The following IL1RAPL1 variants were observed in gnomAD, a reference collection of about 807,000 sequenced individuals.
IL1RAPL1 encodes the protein interleukin-1 receptor accessory protein-like 1.
In IL1RAPL1, 3 loss-of-function variants were observed where a neutral mutation model predicts 48.4. The ratio of observed to expected loss-of-function variants is 0.06; its 90% CI spans 0.03 to 0.16. The LOEUF (loss-of-function observed/expected upper bound fraction) is 0.16, where lower values mean the gene tolerates loss of function less well. Ranked by LOEUF, IL1RAPL1 falls within the 10% of genes least tolerant of loss-of-function variation. The pLI is 1.00. For synonymous variants in IL1RAPL1, 185 were observed against 187.7 expected (o/e 0.99, Z 0.12); for missense variants, 349 against 530.6 (o/e 0.66, Z 3.36).
chrX:28,623,567 T>C (rs936769545), intron 1 of IL1RAPL1, among the ~76,000 whole-genome samples: 1 of 111,807 alleles, frequency 8.9e-6, no homozygotes, highest in Non-Finnish European at 1.9e-5. Context: ...ATTACCTGCA[T>C]ACGTGGCACT....
intron 5 of IL1RAPL1, among the ~76,000 whole-genome samples, chrX:29,465,807 C>A (rs765797119): frequency 1.8e-5 from 2 of 111,520 alleles, no homozygotes; most frequent in African/African-American, 3.3e-5. Context: ...TCTAGAGACT[C>A]TGATTTAATT....
chrX:29,449,780 C>CACACACAG (rs557765024), intron 5 of IL1RAPL1, among the ~76,000 whole-genome samples: 2 of 58,240 alleles, frequency 3.4e-5, no homozygotes, highest in Non-Finnish European at 6.2e-5. Context: ...CACACACACA[C>CACACACAG]AGAGAGAGAG....
At chrX:29,275,671 T>C (rs1416059010) in intron 2 of IL1RAPL1, among the ~76,000 whole-genome samples, 1 of 112,336 alleles carries the variant, frequency 8.9e-6, no homozygotes, top group African/African-American at 3.2e-5. Flanking sequence ...TCCTCAGTAA[T>C]GTTATCTTTG....
intron 2 of IL1RAPL1, among the ~76,000 whole-genome samples, chrX:29,136,288 T>G (rs78454181): frequency 9.1e-6 from 1 of 109,407 alleles, no homozygotes; most frequent in Admixed American, 9.8e-5. Flanking sequence ...CCACCATGCC[T>G]GGCTAATTTT....
chrX:29,747,074 C>T (rs1046036677), intron 6 of IL1RAPL1, among the ~76,000 whole-genome samples: 2 of 112,675 alleles, frequency 1.8e-5, no homozygotes, highest in African/African-American at 6.4e-5. Context: ...TCAGACTTCA[C>T]ACACAAAGGC....
At chrX:28,999,534 G>T (rs1925799583) in intron 2 of IL1RAPL1, among the ~76,000 whole-genome samples, 1 of 111,064 alleles carries the variant, frequency 9.0e-6, no homozygotes, top group Non-Finnish European at 1.9e-5. Context: ...TTATTTTCTT[G>T]CTTTTCAAAA....
At chrX:28,904,365 A>G (rs1923162478) in intron 2 of IL1RAPL1, among the ~76,000 whole-genome samples, 1 of 111,535 alleles carries the variant, frequency 9.0e-6, no homozygotes, top group South Asian at 3.7e-4. Flanking sequence ...ACTGTGTGGA[A>G]CTCAAAACAA....
At chrX:29,160,904 A>T (rs1338766435) in intron 2 of IL1RAPL1, among the ~76,000 whole-genome samples, 6 of 111,610 alleles carry the variant, frequency 5.4e-5, no homozygotes, top group Admixed American at 4.8e-4. Context: ...AAATACAGAA[A>T]TTAGCCAGGC....
At position 28,775,659 on chromosome X, in the gene IL1RAPL1, A is replaced by G. The variant is rs186762586; in HGVS notation, c.-24-13661A>G. ...TACTACAAATACAATAAAATACAAA[A>G]TACTTACTCTGTTAATAAGCCTTTA... is the stretch of plus-strand genomic sequence containing the variant. On this transcript the variant is annotated intron_variant, in intron 1 of 10. Transcript: ENST00000378993. Among the ~76,000 whole-genome samples, 143 of 112,908 alleles carry G rather than the reference A, an allele frequency of 1.3e-3. 2 individuals carry two copies. The highest frequency in any genetic ancestry group is 4.5e-3 in the African/African-American group (141 of 31,165).
At chrX:29,848,108 C>T (rs965858797) in intron 6 of IL1RAPL1, among the ~76,000 whole-genome samples, 1 of 111,179 alleles carries the variant, frequency 9.0e-6, no homozygotes. Flanking sequence ...AAAAGTGAAA[C>T]TTAAAAATCA....
At chrX:29,375,272 G>A (rs1362864087) in intron 3 of IL1RAPL1, among the ~76,000 whole-genome samples, 5 of 101,479 alleles carry the variant, frequency 4.9e-5, no homozygotes, top group Non-Finnish European at 7.9e-5. Context: ...AGCCATTCTC[G>A]TGCCTTAGCC....
intron 6 of IL1RAPL1, among the ~76,000 whole-genome samples, chrX:29,802,777 A>ATG (rs1929962070): frequency 1.0e-3 from 25 of 24,368 alleles, no homozygotes; most frequent in Non-Finnish European, 1.5e-3. Context: ...ATATATATAT[A>ATG]TATATGTGTG....
intron 6 of IL1RAPL1, among the ~76,000 whole-genome samples, chrX:29,698,258 C>T (rs939917374): frequency 9.2e-6 from 1 of 108,116 alleles, no homozygotes; most frequent in Non-Finnish European, 1.9e-5. Context: ...GCAACCTCCA[C>T]CTCCAGGGTT....
intron 1 of IL1RAPL1, among the ~76,000 whole-genome samples, chrX:28,782,719 A>G (rs1284455227): frequency 8.9e-6 from 1 of 111,763 alleles, no homozygotes; most frequent in Non-Finnish European, 1.9e-5. Flanking sequence ...ACATTTTTGG[A>G]GTTTATACTT....
At chrX:29,264,510 T>C in intron 2 of IL1RAPL1, among the ~76,000 whole-genome samples, 1 of 111,084 alleles carries the variant, frequency 9.0e-6, no homozygotes, top group Non-Finnish European at 1.9e-5. Context: ...AGAAGGGAAG[T>C]GACAAGAAAA....
At chrX:29,377,105 G>A (rs907320780) in intron 3 of IL1RAPL1, among the ~76,000 whole-genome samples, 1 of 112,249 alleles carries the variant, frequency 8.9e-6, no homozygotes, top group African/African-American at 3.2e-5. Context: ...TTATCATTAT[G>A]TAATGCCCTT....
chrX:29,403,344 G>GGGGT (rs767970433), intron 5 of IL1RAPL1, among the ~76,000 whole-genome samples: 1 of 107,228 alleles, frequency 9.3e-6, no homozygotes, highest in African/African-American at 3.4e-5. Context: ...CTTATATTGG[G>GGGGT]GTGTGTGTGT....
At chrX:28,620,513 A>G (rs1347721144) in intron 1 of IL1RAPL1, among the ~76,000 whole-genome samples, 1 of 111,210 alleles carries the variant, frequency 9.0e-6, no homozygotes, top group African/African-American at 3.3e-5. Context: ...AAGAATTGGG[A>G]CGTGATGAGG....
At chrX:29,069,857 G>A (rs888400140) in intron 2 of IL1RAPL1, among the ~76,000 whole-genome samples, 11 of 111,535 alleles carry the variant, frequency 9.9e-5, no homozygotes, top group African/African-American at 2.3e-4. Context: ...CCCACCAGCC[G>A]TTGCAGATTC....
Sources: allele counts gnomAD v4.1 joint callset (sites outside exome capture counted in the v4.1 genomes callset), GRCh38; gene constraint gnomAD v4.1.1; transcripts MANE v1.5; gene names NCBI Gene and HGNC (gene_info 2026-07-23, HGNC 2026-07-21).